The following FAM171A1 variants were observed in gnomAD, a reference collection of about 807,000 sequenced individuals.
FAM171A1 encodes protein FAM171A1.
A neutral mutation model predicts 74.9 loss-of-function variants in FAM171A1; 23 were observed. That is an observed-to-expected ratio of 0.31 (90% CI 0.22 to 0.44). The LOEUF (loss-of-function observed/expected upper bound fraction) is 0.44, where lower values mean the gene tolerates loss of function less well. FAM171A1 is among the 20% of genes least tolerant of loss of function. The pLI is 1.00. For synonymous variants in FAM171A1, 527 were observed against 505.7 expected, an observed-to-expected ratio of 1.04 and a Z score of -0.57; for missense variants, 1,162 against 1,159.2, an observed-to-expected ratio of 1.00 and a Z score of -0.03.
At chr10:15,279,108 G>T (rs930715684) in intron 2 of FAM171A1, among the ~76,000 whole-genome samples, 4 of 152,176 alleles carry the variant, frequency 2.6e-5, no homozygotes, top group African/African-American at 9.7e-5. Flanking sequence ...GAGCTGACCG[G>T]TTTGGGGGGC....
At chr10:15,217,913 G>A (rs1010878854) in intron 6 of FAM171A1, among the ~76,000 whole-genome samples, 7 of 152,070 alleles carry the variant, frequency 4.6e-5, no homozygotes, top group Admixed American at 3.3e-4. Context: ...TTACAGGCAT[G>A]AGCCACCGCA....
At chr10:15,353,944 G>A (rs754858966) in intron 1 of FAM171A1, among the ~76,000 whole-genome samples, 16 of 152,246 alleles carry the variant, frequency 1.1e-4, no homozygotes, top group Admixed American at 8.5e-4. Context: ...CAATCAGGCC[G>A]TGGGCATGCA....
At chr10:15,326,672 G>A (rs1434629558) in intron 1 of FAM171A1, among the ~76,000 whole-genome samples, 2 of 152,016 alleles carry the variant, frequency 1.3e-5, no homozygotes, top group African/African-American at 2.4e-5. Flanking sequence ...CTGTTACCCA[G>A]GATGGAGTGC....
intron 5 of FAM171A1, among the ~76,000 whole-genome samples, chr10:15,246,165 G>A (rs1053146171): frequency 1.3e-5 from 2 of 151,822 alleles, no homozygotes; most frequent in Admixed American, 6.6e-5. Context: ...CAGATTATCA[G>A]GCTCTCAGAG....
At chr10:15,325,020 G>A (rs1028585932) in intron 1 of FAM171A1, among the ~76,000 whole-genome samples, 30 of 152,324 alleles carry the variant, frequency 2.0e-4, no homozygotes, top group African/African-American at 5.8e-4. Context: ...GGCACATCAC[G>A]TGTGTCTAAT....
intron 2 of FAM171A1, among the ~76,000 whole-genome samples, chr10:15,276,634 A>G (rs1436381645): frequency 6.6e-6 from 1 of 152,224 alleles, no homozygotes; most frequent in Non-Finnish European, 1.5e-5. Context: ...CCTCATGGTA[A>G]AAGAATATTC....
At chr10:15,225,327 A>G (rs1834090850) in intron 5 of FAM171A1, among the ~76,000 whole-genome samples, 1 of 152,224 alleles carries the variant, frequency 6.6e-6, no homozygotes, top group South Asian at 2.1e-4. Context: ...GGATATCCCC[A>G]TGGCAGTCTG....
chr10:15,265,362 C>G (rs1280816727), intron 3 of FAM171A1, among the ~76,000 whole-genome samples: 2 of 151,246 alleles, frequency 1.3e-5, no homozygotes, highest in Non-Finnish European at 2.9e-5. Context: ...GCCTGTAATC[C>G]CAGTACTTTT....
At chr10:15,349,029 G>C (rs1215074203) in intron 1 of FAM171A1, among the ~76,000 whole-genome samples, 1 of 152,162 alleles carries the variant, frequency 6.6e-6, no homozygotes, top group Non-Finnish European at 1.5e-5. Flanking sequence ...GAATCGGGAG[G>C]GAGGAAATGG....
chr10:15,300,385 G>C (rs1835213229), intron 1 of FAM171A1, among the ~76,000 whole-genome samples: 1 of 152,118 alleles, frequency 6.6e-6, no homozygotes, highest in African/African-American at 2.4e-5. Context: ...TCCTTGACCT[G>C]TCATTTCTGT....
intron 1 of FAM171A1, among the ~76,000 whole-genome samples, chr10:15,342,368 G>A (rs1835774254): frequency 6.6e-6 from 1 of 152,158 alleles, no homozygotes; most frequent in Non-Finnish European, 1.5e-5. Flanking sequence ...TCAGGAGTTC[G>A]AGACCAGCCT....
At chr10:15,361,053 C>G (rs1242177759) in intron 1 of FAM171A1, among the ~76,000 whole-genome samples, 2 of 151,990 alleles carry the variant, frequency 1.3e-5, no homozygotes, top group African/African-American at 4.8e-5. Context: ...CTCGTCTTAC[C>G]TTTATAAGAA....
At chr10:15,231,264 G>C (rs1409783987) in intron 5 of FAM171A1, among the ~76,000 whole-genome samples, 3 of 152,134 alleles carry the variant, frequency 2.0e-5, no homozygotes, top group East Asian at 1.9e-4. Flanking sequence ...GAGTGCAGTG[G>C]TGCAATCACA....
chr10:15,295,978 G>A (rs1200209036), intron 1 of FAM171A1, among the ~76,000 whole-genome samples: 1 of 152,170 alleles, frequency 6.6e-6, no homozygotes, highest in Non-Finnish European at 1.5e-5. Context: ...AATGTTACCT[G>A]ACCTTTGCTC....
At chr10:15,361,749 G>A (rs1298620470) in intron 1 of FAM171A1, among the ~76,000 whole-genome samples, 3 of 152,100 alleles carry the variant, frequency 2.0e-5, no homozygotes, top group Admixed American at 2.0e-4. Context: ...TAATAAAAGT[G>A]TTCAGTGCTC....
intron 1 of FAM171A1, among the ~76,000 whole-genome samples, chr10:15,335,427 C>G (rs71505069): frequency 0.072 from 10,925 of 152,144 alleles, 511 homozygotes; most frequent in Middle Eastern, 0.11. Flanking sequence ...ATGCTGCTTT[C>G]AAAAATCTGT....
At chr10:15,316,432 G>A (rs557094463) in intron 1 of FAM171A1, among the ~76,000 whole-genome samples, 5 of 152,318 alleles carry the variant, frequency 3.3e-5, no homozygotes, top group Non-Finnish European at 5.9e-5. Flanking sequence ...GTCAGGTGAC[G>A]GGCTTCGTGA....
intron 2 of FAM171A1, among the ~76,000 whole-genome samples, chr10:15,278,600 C>T (rs891006292): frequency 5.9e-5 from 9 of 152,192 alleles, no homozygotes; most frequent in Non-Finnish European, 1.2e-4. Context: ...ACATGTGCTA[C>T]AACGTGGATG....
At chr10:15,228,336 ATTT>A (rs71390021) in intron 5 of FAM171A1, among the ~76,000 whole-genome samples, 6 of 123,938 alleles carry the variant, frequency 4.8e-5, no homozygotes, top group Non-Finnish European at 1.6e-5. Flanking sequence ...AAGTGGGAGT[ATTT>A]TTTTTTTTTT....
Sources: gnomAD v4.1 joint callset for allele counts (sites outside exome capture counted in the v4.1 genomes callset) on GRCh38, gnomAD v4.1.1 for gene constraint, MANE v1.5 for transcripts, NCBI Gene and HGNC (gene_info 2026-07-23, HGNC 2026-07-21) for gene names.